PCDH15: variants seen among roughly 807,000 people sequenced by gnomAD.
PCDH15 encodes the protein protocadherin related 15, also known as protocadherin-15.
Under a neutral mutation model 178.5 loss-of-function variants are expected in PCDH15, and 129 were observed. That is an observed-to-expected ratio of 0.72 (90% CI 0.63 to 0.84). The LOEUF is 0.84. PCDH15 is among the 40% of genes least tolerant of loss of function. The pLI, the probability that PCDH15 is intolerant of heterozygous loss-of-function variation, is 0.00. For synonymous variants in PCDH15, 800 were observed against 732.0 expected (o/e 1.09, Z -1.50); for missense variants, 2,230 against 2,099.9 (o/e 1.06, Z -1.21).
chr10:54,426,722 C>T (rs554966944), intron 3 of PCDH15, among the ~76,000 whole-genome samples: 10 of 152,040 alleles, frequency 6.6e-5, no homozygotes, highest in Non-Finnish European at 8.8e-5. Context: ...CACTTTTACA[C>T]GGCCCCTACT....
At chr10:55,510,701 T>G (rs541833358) in intron 2 of PCDH15, among the ~76,000 whole-genome samples, 1 of 151,900 alleles carries the variant, frequency 6.6e-6, no homozygotes, top group African/African-American at 2.4e-5. Context: ...GAAAATAATT[T>G]TTCCTTCTGC....
At chr10:55,043,538 G>A (rs530395514) in intron 2 of PCDH15, among the ~76,000 whole-genome samples, 3 of 151,656 alleles carry the variant, frequency 2.0e-5, no homozygotes, top group East Asian at 3.9e-4. Context: ...GTGAGATCCC[G>A]TCTCTATAAA....
intron 2 of PCDH15, among the ~76,000 whole-genome samples, chr10:54,587,147 T>C (rs538144865): frequency 7.2e-5 from 11 of 152,316 alleles, no homozygotes; most frequent in African/African-American, 2.2e-4. Flanking sequence ...TCAGTGACCA[T>C]TGGCATCATC....
At chr10:54,103,381 C>T (rs770514895) in intron 15 of PCDH15, among the ~76,000 whole-genome samples, 6 of 152,144 alleles carry the variant, frequency 3.9e-5, no homozygotes, top group African/African-American at 9.7e-5. Flanking sequence ...GATGGTTGAG[C>T]GCCACCACTT....
intron 2 of PCDH15, among the ~76,000 whole-genome samples, chr10:55,627,066 TGA>T (rs1262278940): frequency 6.6e-6 from 1 of 151,928 alleles, no homozygotes; most frequent in Non-Finnish European, 1.5e-5. Context: ...GAGATAACGA[TGA>T]GAGAGATAAA....
intron 23 of PCDH15, among the ~76,000 whole-genome samples, chr10:53,951,992 C>T (rs2087107949): frequency 6.6e-6 from 1 of 152,170 alleles, no homozygotes; most frequent in Non-Finnish European, 1.5e-5. Context: ...AAGCAGATTC[C>T]ACTGAAGGCA....
chr10:55,403,340 A>G (rs547211404), intron 2 of PCDH15, among the ~76,000 whole-genome samples: 1 of 151,720 alleles, frequency 6.6e-6, no homozygotes, highest in South Asian at 2.1e-4. Context: ...CACTCTGCTG[A>G]TTGTTTCTGT....
chr10:54,023,865 G>T (rs895490415), intron 18 of PCDH15, among the ~76,000 whole-genome samples: 2 of 150,804 alleles, frequency 1.3e-5, no homozygotes, highest in Admixed American at 6.7e-5. Context: ...CAGTGTCCCA[G>T]TTCTTAACAC....
At chr10:55,219,204 C>T (rs1840797744) in intron 1 of PCDH15, among the ~76,000 whole-genome samples, 1 of 151,816 alleles carries the variant, frequency 6.6e-6, no homozygotes, top group African/African-American at 2.4e-5. Flanking sequence ...ATCAGTAGAC[C>T]ATAAATAAGT....
At chr10:54,985,481 C>T (rs991840111) in intron 2 of PCDH15, among the ~76,000 whole-genome samples, 4 of 152,068 alleles carry the variant, frequency 2.6e-5, no homozygotes, top group Non-Finnish European at 4.4e-5. Context: ...TTTATTACAC[C>T]TAAGAGAATG....
At chr10:55,367,909 T>C (rs76193321) in intron 2 of PCDH15, among the ~76,000 whole-genome samples, 2,288 of 152,276 alleles carry the variant, frequency 0.015, 52 homozygotes, top group African/African-American at 0.052. Context: ...ACTGTTTATC[T>C]ACTTATTTCT....
intron 15 of PCDH15, among the ~76,000 whole-genome samples, chr10:54,102,141 CCTGT>C (rs2094824761): frequency 6.6e-6 from 1 of 152,114 alleles, no homozygotes; most frequent in Non-Finnish European, 1.5e-5. Context: ...CTAAGAACAG[CCTGT>C]CTTTCTCCCT....
At chr10:54,796,233 T>C (rs1027663107) in intron 1 of PCDH15, among the ~76,000 whole-genome samples, 3 of 88,924 alleles carry the variant, frequency 3.4e-5, no homozygotes, top group African/African-American at 1.6e-4. Flanking sequence ...TATCTATCTA[T>C]CTATCTATCT....
intron 3 of PCDH15, among the ~76,000 whole-genome samples, chr10:54,397,343 A>G (rs1951368358): frequency 6.6e-6 from 1 of 152,082 alleles, no homozygotes; most frequent in South Asian, 2.1e-4. Context: ...TAAATTCCAT[A>G]AGCAACAATT....
chr10:55,303,723 T>C (rs537480621), intron 1 of PCDH15, among the ~76,000 whole-genome samples: 32 of 152,244 alleles, frequency 2.1e-4, no homozygotes, highest in Admixed American at 3.3e-4. Flanking sequence ...TATCTTATTA[T>C]CCTTTTGATA....
At chr10:54,768,104 A>G (rs1301033801) in intron 1 of PCDH15, among the ~76,000 whole-genome samples, 1 of 152,080 alleles carries the variant, frequency 6.6e-6, no homozygotes, top group Non-Finnish European at 1.5e-5. Flanking sequence ...ATTTTTTTCT[A>G]TTAAAATGTC....
At chr10:53,860,338 T>G (rs140168219) in intron 27 of PCDH15, among the ~76,000 whole-genome samples, 1 of 152,276 alleles carries the variant, frequency 6.6e-6, no homozygotes, top group Non-Finnish European at 1.5e-5. Context: ...ATGATGGAGT[T>G]CTGACCAACG....
chr10:54,145,724 G>T (rs1157549559), intron 14 of PCDH15, among the ~76,000 whole-genome samples: 1 of 152,002 alleles, frequency 6.6e-6, no homozygotes, highest in East Asian at 1.9e-4. Flanking sequence ...TAAAGAGAAG[G>T]GTGTAAGTAA....
intron 23 of PCDH15, among the ~76,000 whole-genome samples, chr10:53,958,208 C>A (rs2087828686): frequency 6.6e-6 from 1 of 152,130 alleles, no homozygotes; most frequent in Admixed American, 6.6e-5. Context: ...ATTCATTTTT[C>A]ATTATCCTCA....
Sources: allele counts gnomAD v4.1 joint callset (sites outside exome capture counted in the v4.1 genomes callset), GRCh38; gene constraint gnomAD v4.1.1; transcripts MANE v1.5; gene names NCBI Gene and HGNC (gene_info 2026-07-23, HGNC 2026-07-21).